Variants in MYH3 observed in about 807,000 individuals in gnomAD.
MYH3 encodes myosin heavy chain 3, also known as myosin-3.
Under a neutral mutation model 238.0 loss-of-function variants are expected in MYH3, and 130 were observed. The ratio of observed to expected loss-of-function variants is 0.55; its 90% CI spans 0.47 to 0.63. The LOEUF (loss-of-function observed/expected upper bound fraction) is 0.63. Ranked by LOEUF, MYH3 falls within the 30% of genes least tolerant of loss-of-function variation. The pLI is 0.00. For missense variants in MYH3, 1,853 were observed against 2,374.9 expected (o/e 0.78, Z 4.57); for synonymous variants, 880 against 924.1 (o/e 0.95, Z 0.86).
At chr17:10,665,682 T>C in the MYH3 span, among the ~76,000 whole-genome samples, 1 of 152,200 alleles carries the variant, frequency 6.6e-6, no homozygotes, top group African/African-American at 2.4e-5. Flanking sequence ...TTCACCATCA[T>C]AAAGATGTTA....
intron 3 of MYH3, among the ~76,000 whole-genome samples, chr17:10,653,148 G>A (rs921120451): frequency 6.6e-6 from 1 of 152,122 alleles, no homozygotes. Flanking sequence ...GAGAAAAGAG[G>A]ATCTGTGTGG....
chr17:10,648,710 T>C (rs2074346640), intron 7 of MYH3, 61 bp from the exon 8 acceptor site: 2 of 1,425,642 alleles, frequency 1.4e-6, no homozygotes, highest in South Asian at 1.1e-5. Context: ...AGTTACACTC[T>C]TGTTGCCCAG....
intron 22 of MYH3, 71 bp from the exon 23 acceptor site, chr17:10,639,873 A>G: frequency 6.3e-7 from 1 of 1,598,506 alleles, no homozygotes; most frequent in South Asian, 1.1e-5. Context: ...TTCACTATAT[A>G]TGAAGTTCTT....
chr17:10,664,564 G>A, the MYH3 span, among the ~76,000 whole-genome samples: 2 of 152,188 alleles, frequency 1.3e-5, no homozygotes, highest in Non-Finnish European at 2.9e-5. Context: ...GTGAGTGAAA[G>A]GGAGAGCTGG....
chr17:10,640,515 G>A lies in MYH3; in HGVS notation c.2290-46C>T. ...CATGAGTCAGTTTCCTAGAGAAGCT[G>A]TGTCAAGAGGACGAAAAGGCCAGCA... is the stretch of plus-strand genomic sequence containing the variant. On this transcript the variant is annotated intron_variant, in intron 20 of 40. Transcript: ENST00000583535. 5.6e-6 allele frequency: 9 copies of A among 1,614,258 alleles called. No individual in the cohort carries two copies. The South Asian group carries it at 9.9e-5, about 18-fold the overall frequency.
At position 10,651,584 on chromosome 17, in the gene MYH3, C is replaced by T. The variant is rs1455734326; in HGVS notation, c.433G>A (p.Gly145Ser). ...YNPEVVEGYR[G>S]KKRQEAPPHI... is the part of the protein sequence containing the mutation. ...GGTGGGGCCTCCTGGCGCTTTTTGC[C>T]TCGGTAGCCTTCCACCACCTCGGGG... is the stretch of plus-strand genomic sequence containing the variant. Residue 145 changes from glycine to serine, a missense_variant, in exon 5 of 41, where the codon GGC becomes AGC. Around this residue, in one of 3 missense-constraint regions of MYH3, gnomAD observed 678 missense variants for 1,058.9 expected, o/e 0.64. Coordinates refer to ENST00000583535, the MANE Select transcript of MYH3 (RefSeq NM_002470.4). The T allele has an allele frequency of 6.2e-7, 1 of 1,613,898 alleles. No individual in the cohort carries two copies. The highest frequency in any genetic ancestry group is 1.3e-5 in the African/African-American group (1 of 74,874).
rs200780612 is a variant in MYH3 at position 10,642,602 on chromosome 17, T to C, written c.1703A>G (p.Lys568Arg). The change falls in exon 16 of 41, where the codon AAG becomes AGG. Residue 568 changes from lysine (K) to arginine (R), a missense_variant. Coordinates refer to ENST00000583535, the MANE Select transcript of MYH3 (RefSeq NM_002470.4). This position sits in a 1 kb window ranked among gnomAD's most constrained non-coding sequence, Gnocchi z 5.4. ...AGCCTCGGCCCTGCCTTTGACCACC[T>C]TGGGCTTCTGGAAGTTGTTGGACTT... The part of the protein sequence containing the change: ...LGKSNNFQKP[K>R]VVKGRAEAHF... 116 of 1,614,092 alleles carry C rather than the reference T, an allele frequency of 7.2e-5. No individual in the cohort carries two copies. Among genetic ancestry groups the C allele is most frequent in the African/African-American group, 2.7e-5 (2 of 74,926 alleles).
chr17:10,638,825 C>T, intron 26 of MYH3, 48 bp downstream of exon 26: 1 of 1,572,534 alleles, frequency 6.4e-7, no homozygotes, highest in South Asian at 1.1e-5. Context: ...GCACCCAGCT[C>T]ACTGTAAGTG....
the MYH3 span, among the ~76,000 whole-genome samples, chr17:10,664,275 C>G: frequency 6.6e-6 from 1 of 152,040 alleles, no homozygotes; most frequent in Non-Finnish European, 1.5e-5. Flanking sequence ...CTCATGTAAA[C>G]TCTGCGAGGG....
rs1485648080 is a variant in MYH3 at position 10,637,325 on chromosome 17, G to C, written c.3856+484C>G. 2.0e-5 allele frequency among the ~76,000 whole-genome samples: 3 copies of C among 152,110 alleles called. No homozygotes were observed. The East Asian group carries it at 5.8e-4, about 29-fold the overall frequency. On this transcript the variant is annotated intron_variant, in intron 28 of 40. Coordinates refer to ENST00000583535, the MANE Select transcript of MYH3 (RefSeq NM_002470.4). ...TCCGCCCGCCTCGGCCTCCCAAAGT[G>C]CTGGGTTGACAGGCATGAGCTACCA...
chr17:10,638,173 C>A lies in MYH3; in HGVS notation c.3599G>T (p.Ser1200Ile). ...AATCTGCTCCCCAAGCTCGGCCACA[C>A]TATCCGCATGCTTCTTCCTCAGCGC... The part of the protein sequence containing the change: ...VAALRKKHAD[S>I]VAELGEQIDN... Residue 1200 changes from serine to isoleucine, a missense_variant, in exon 27 of 41, where the codon AGT becomes ATT. Around this residue, in one of 3 missense-constraint regions of MYH3, gnomAD observed 1,044 missense variants for 1,192.6 expected, o/e 0.88. Transcript: ENST00000583535. The A allele has an allele frequency of 1.2e-6, 2 of 1,614,018 alleles. No homozygotes were observed. Among genetic ancestry groups the A allele is most frequent in the Admixed American group, 1.7e-5 (1 of 59,996 alleles).
At chr17:10,629,794 G>C (rs766360657) in intron 39 of MYH3, 48 bp downstream of exon 39, 5 of 1,613,892 alleles carry the variant, frequency 3.1e-6, no homozygotes, top group East Asian at 2.2e-5. Flanking sequence ...AACTCACCAC[G>C]GGAAACAGCA....
At chr17:10,666,578 C>CAAAAAAA in the MYH3 span, among the ~76,000 whole-genome samples, 1 of 68,596 alleles carries the variant, frequency 1.5e-5, no homozygotes, top group African/African-American at 6.0e-5. Flanking sequence ...CTTGTCTCTA[C>CAAAAAAA]AAAAAAAAAA....
At chr17:10,639,945 T>C (rs912458398) in intron 22 of MYH3, 51 bp downstream of exon 22, 1 of 1,589,720 alleles carries the variant, frequency 6.3e-7, no homozygotes, top group Admixed American at 1.8e-5. Context: ...TCTAAATAAA[T>C]AATCAAATCT....
chr17:10,652,066 T>C, intron 4 of MYH3: 1 of 393,010 alleles, frequency 2.5e-6, no homozygotes, highest in South Asian at 2.2e-5. Flanking sequence ...TCATGTTTCT[T>C]TGGGATAAAC....
At chr17:10,628,844 A>G (rs1439078880) in intron 40 of MYH3, among the ~76,000 whole-genome samples, 165 bp from the exon 41 acceptor site, 1 of 152,124 alleles carries the variant, frequency 6.6e-6, no homozygotes, top group Non-Finnish European at 1.5e-5. Flanking sequence ...GTCACCCCAT[A>G]GCCTGAGAAA....
In MYH3 at chr17:10,640,123, G is replaced by A. The variant is rs763698464; in HGVS notation, c.2555C>T (p.Thr852Ile). Reference sequence around the variant, plus strand: ...GGTTTTCTGGAATTCTTCCTTCATGGTGGCCATCTCTTTCTCAGTCTCTGC... The same window carrying A: ...GGTTTTCTGGAATTCTTCCTTCATGATGGCCATCTCTTTCTCAGTCTCTGC... ...KSAETEKEMA[T>I]MKEEFQKTKD... is the part of the protein sequence containing the mutation. Residue 852 changes from threonine (T) to isoleucine (I), a missense_variant, in exon 22 of 41, where the codon ACC becomes ATC. Physicochemically the swap from Thr to Ile is moderately conservative, Grantham distance 89. Transcript: ENST00000583535. The A allele has an allele frequency of 2.6e-5, 42 of 1,613,970 alleles. No homozygotes were observed. Among genetic ancestry groups the A allele is most frequent in the Non-Finnish European group, 3.6e-5 (42 of 1,180,038 alleles).
In MYH3 at chr17:10,629,752, AG is replaced by A; in HGVS notation, c.5659-19del. 6.2e-7 allele frequency: 1 copy of A among 1,614,244 alleles called. No individual in the cohort carries two copies. Among genetic ancestry groups the A allele is most frequent in the Non-Finnish European group, 8.5e-7 (1 of 1,180,048 alleles). ...TGTTCATCCTAAAACCAAAGAGCCC[AG>A]GCAGGTTATATCAGCACGCGCCTCT... On this transcript the variant is annotated intron_variant, in intron 39 of 40. Coordinates refer to ENST00000583535, the MANE Select transcript of MYH3 (RefSeq NM_002470.4).
chr17:10,651,959 T>G (rs1291296250), intron 4 of MYH3: 1 of 411,928 alleles, frequency 2.4e-6, no homozygotes, highest in Non-Finnish European at 4.5e-6. Context: ...GCCAGAATGG[T>G]CTCGATCTCT....
Sources: gnomAD v4.1 joint callset for allele counts (sites outside exome capture counted in the v4.1 genomes callset) on GRCh38, gnomAD v4.1.1 for gene constraint, gnomAD v4.1.1 regional missense constraint, Gnocchi (gnomAD v3.1) non-coding constraint, MANE v1.5 for transcripts, NCBI Gene and HGNC (gene_info 2026-07-23, HGNC 2026-07-21) for gene names.